The following AMPH variants were observed in gnomAD, a reference collection of about 807,000 sequenced individuals.
AMPH encodes the protein amphiphysin (Stiff-Mann syndrome with breast cancer 128kD autoantigen).
AMPH carries 49 observed loss-of-function variants against 99.1 expected under a neutral mutation model. That is an observed-to-expected ratio of 0.49 (90% CI 0.39 to 0.63). AMPH has a LOEUF of 0.63. Among genes scored for constraint, AMPH ranks in the 20% least tolerant of loss-of-function variants. The pLI, the probability that AMPH is intolerant of heterozygous loss-of-function variation, is 0.00. For missense variants in AMPH, 759 were observed against 863.4 expected, an observed-to-expected ratio of 0.88 and a Z score of 1.52; for synonymous variants, 314 against 317.3, an observed-to-expected ratio of 0.99 and a Z score of 0.11.
intron 1 of AMPH, among the ~76,000 whole-genome samples, chr7:38,598,646 T>G (rs2129060624): frequency 6.6e-6 from 1 of 152,320 alleles, no homozygotes; most frequent in African/African-American, 2.4e-5. Flanking sequence ...TTTTCCAATT[T>G]ATAATTTATA....
chr7:38,541,128 G>A (rs1790795287), intron 1 of AMPH, among the ~76,000 whole-genome samples: 1 of 151,502 alleles, frequency 6.6e-6, no homozygotes, highest in African/African-American at 2.4e-5. Context: ...CTTCTGAACA[G>A]GACATGGAGG....
intron 1 of AMPH, among the ~76,000 whole-genome samples, chr7:38,576,574 T>C (rs1199896014): frequency 6.6e-6 from 1 of 152,140 alleles, no homozygotes. Context: ...AAGTGTGAAT[T>C]AGATGGCCAG....
intron 11 of AMPH, among the ~76,000 whole-genome samples, chr7:38,443,718 T>C (rs1299812909): frequency 6.6e-6 from 1 of 152,044 alleles, no homozygotes; most frequent in East Asian, 1.9e-4. Context: ...AGCCATCTAA[T>C]AAAACCTACA....
chr7:38,543,066 C>T (rs932130272), intron 1 of AMPH, among the ~76,000 whole-genome samples: 8 of 150,792 alleles, frequency 5.3e-5, no homozygotes, highest in Non-Finnish European at 8.9e-5. Flanking sequence ...TGCACTCCAG[C>T]CCAGGTGACA....
chr7:38,425,043 T>C (rs1785733120), intron 15 of AMPH, among the ~76,000 whole-genome samples: 1 of 152,226 alleles, frequency 6.6e-6, no homozygotes, highest in African/African-American at 2.4e-5. Flanking sequence ...TATATTAATA[T>C]ATATGTAGGA....
intron 1 of AMPH, among the ~76,000 whole-genome samples, chr7:38,588,061 C>T (rs1238524060): frequency 6.6e-6 from 1 of 151,974 alleles, no homozygotes; most frequent in Admixed American, 6.6e-5. Flanking sequence ...AAGCGATCCC[C>T]CCACCTCTGC....
chr7:38,479,369 TA>T (rs1056209289), intron 5 of AMPH, among the ~76,000 whole-genome samples: 10 of 151,966 alleles, frequency 6.6e-5, no homozygotes, highest in East Asian at 3.9e-4. Flanking sequence ...GAAGATGAAA[TA>T]TTTTTTTTCA....
intron 5 of AMPH, among the ~76,000 whole-genome samples, chr7:38,481,561 G>A (rs1453104005): frequency 6.6e-6 from 1 of 152,072 alleles, no homozygotes; most frequent in African/African-American, 2.4e-5. Context: ...AGCCTGCCTG[G>A]GTTGGTGACA....
At chr7:38,582,047 T>C (rs1186563762) in intron 1 of AMPH, among the ~76,000 whole-genome samples, 1 of 151,934 alleles carries the variant, frequency 6.6e-6, no homozygotes, top group Non-Finnish European at 1.5e-5. Context: ...GCCTGGTATA[T>C]AAAAACATGA....
At chr7:38,567,110 T>C (rs1054229308) in intron 1 of AMPH, among the ~76,000 whole-genome samples, 2 of 152,170 alleles carry the variant, frequency 1.3e-5, no homozygotes, top group Admixed American at 1.3e-4. Flanking sequence ...TGTAGCACTA[T>C]TCACAATAGC....
intron 17 of AMPH, among the ~76,000 whole-genome samples, chr7:38,395,802 C>T (rs74729063): frequency 0.058 from 8,830 of 152,226 alleles, 356 homozygotes; most frequent in East Asian, 0.19. Context: ...AAGAGTACCT[C>T]CGAGTGAGCA....
chr7:38,506,982 A>C (rs1789351072), intron 2 of AMPH, among the ~76,000 whole-genome samples: 1 of 152,206 alleles, frequency 6.6e-6, no homozygotes. Context: ...GGCCATGAAA[A>C]GGGATGGTTA....
intron 16 of AMPH, among the ~76,000 whole-genome samples, chr7:38,420,489 TAC>T (rs1785543038): frequency 6.6e-6 from 1 of 152,208 alleles, no homozygotes; most frequent in Non-Finnish European, 1.5e-5. Flanking sequence ...TAGCAGTCAT[TAC>T]ACACTCAGAG....
chr7:38,551,208 T>A (rs1260179307), intron 1 of AMPH, among the ~76,000 whole-genome samples: 1 of 152,170 alleles, frequency 6.6e-6, no homozygotes, highest in Non-Finnish European at 1.5e-5. Flanking sequence ...CTACGATGAC[T>A]TTTTACATAA....
chr7:38,553,477 T>A (rs1398400968), intron 1 of AMPH, among the ~76,000 whole-genome samples: 5 of 152,190 alleles, frequency 3.3e-5, no homozygotes, highest in Non-Finnish European at 7.3e-5. Context: ...ATATACATAG[T>A]CACGGAATAA....
intron 1 of AMPH, among the ~76,000 whole-genome samples, chr7:38,571,209 T>G (rs1338781623): frequency 1.1e-5 from 1 of 93,660 alleles, no homozygotes; most frequent in African/African-American, 4.4e-5. Context: ...ATATAATTAT[T>G]TATATATTTT....
chr7:38,504,658 G>A (rs1789260513), intron 2 of AMPH, among the ~76,000 whole-genome samples: 1 of 152,172 alleles, frequency 6.6e-6, no homozygotes, highest in Non-Finnish European at 1.5e-5. Context: ...TCTCCTGTCA[G>A]CTATGTTTCT....
intron 7 of AMPH, among the ~76,000 whole-genome samples, chr7:38,469,357 T>C (rs1787792500): frequency 6.6e-6 from 1 of 152,146 alleles, no homozygotes; most frequent in Non-Finnish European, 1.5e-5. Context: ...TTTATTAAGA[T>C]GTTTCTTTGT....
intron 1 of AMPH, among the ~76,000 whole-genome samples, chr7:38,618,278 C>A (rs190598914): frequency 6.6e-6 from 1 of 151,002 alleles, no homozygotes; most frequent in East Asian, 1.9e-4. Context: ...TTTGGGAGGC[C>A]GAGGCGGGCA....
Sources: gnomAD v4.1 joint callset for allele counts (sites outside exome capture counted in the v4.1 genomes callset) on GRCh38, gnomAD v4.1.1 for gene constraint, MANE v1.5 for transcripts, NCBI Gene and HGNC (gene_info 2026-07-23, HGNC 2026-07-21) for gene names.